Variants in SLC16A8 observed in about 807,000 individuals in gnomAD.
SLC16A8 encodes solute carrier family 16 member 8, also known as monocarboxylate transporter 3.
Under a neutral mutation model 22.4 loss-of-function variants are expected in SLC16A8, and 20 were observed. That is an observed-to-expected ratio of 0.89 (90% confidence interval 0.63 to 1.30). SLC16A8 has a LOEUF of 1.30. Ranked by LOEUF, SLC16A8 falls within the 50% of genes most tolerant of loss-of-function variation. The pLI, the probability that SLC16A8 is intolerant of heterozygous loss-of-function variation, is 0.00. For synonymous variants in SLC16A8, 393 were observed against 358.8 expected (o/e 1.10, Z -1.08); for missense variants, 817 against 740.3 (o/e 1.10, Z -1.20).
rs1601971007 is a variant in SLC16A8, at chr22:38,081,717, A to T, written c.359-38T>A. On this transcript the variant is annotated intron_variant, in intron 4 of 5. Coordinates refer to ENST00000681075, the MANE Select transcript of SLC16A8 (RefSeq NM_013356.3). ...CGGTGCTGTGCCGGGGTCCCCGGAG[A>T]GCCCCTCCCTGGCCCCCACAGGAGG... 3.4e-6 allele frequency: 5 copies of T among 1,468,212 alleles called. No homozygotes were observed. The East Asian group carries it at 7.6e-5, about 22-fold the overall frequency. The allele number at this position is 1,468,212 out of a possible 1,614,324, so 90.9% of individuals were successfully genotyped here.
intron 3 of SLC16A8, among the ~76,000 whole-genome samples, 199 bp downstream of exon 3, chr22:38,082,461 C>T (rs549238756): frequency 1.3e-5 from 2 of 152,356 alleles, no homozygotes; most frequent in South Asian, 4.1e-4. Flanking sequence ...GCAGGGCAGC[C>T]CCCTGGGCCG....
At position 38,081,097 on chromosome 22, in the gene SLC16A8, C is replaced by G; in HGVS notation, c.941G>C (p.Arg314Pro). The change falls in exon 5 of 6, where the codon CGT becomes CCT. Residue 314 changes from arginine to proline, a missense_variant. By Grantham distance (103) the Arg-to-Pro change is moderately radical (BLOSUM62 -2). Transcript: ENST00000681075. ...PACGALAGLA[R>P]LRPHVPYLFS... The stretch of plus-strand genomic sequence containing the variant: ...CAGATACGGGACGTGCGGCCGCAGA[C>G]GCGCCAGGCCCGCCAGGGCGCCGCA... 1.3e-6 allele frequency: 2 copies of G among 1,553,926 alleles called. No homozygotes were observed. Among genetic ancestry groups the G allele is most frequent in the Non-Finnish European group, 1.7e-6 (2 of 1,152,488 alleles).
At position 38,082,990 on chromosome 22, in the gene SLC16A8, AG is replaced by A. The variant is rs991675212; in HGVS notation, c.-9+51del. ...ACTGAGGCACAGGGCTACCCACGTG[AG>A]GGTGGCTCAGGTCTGGGAACCAAAA... is the stretch of plus-strand genomic sequence containing the variant. On this transcript the variant is annotated intron_variant, in intron 2 of 5. Transcript: ENST00000681075. The A allele has an allele frequency of 4.3e-6, 3 of 699,236 alleles. No homozygotes were observed. In the South Asian group the frequency reaches 5.7e-5, roughly 13 times the overall value. 43.3% of individuals were successfully genotyped at this position (699,236 alleles called of 1,614,324 possible). A position where few individuals can be genotyped will look rare whatever the true frequency, so the allele number is the denominator to read the frequency against.
chr22:38,081,106 C>A lies in SLC16A8; in HGVS notation c.932G>T (p.Gly311Val). The change falls in exon 5 of 6, where the codon GGC becomes GTC. Residue 311 changes from glycine to valine, a missense_variant. Coordinates refer to ENST00000681075, the MANE Select transcript of SLC16A8 (RefSeq NM_013356.3). ...VARPACGALAGLARLRPHVPY... is the reference protein window; with the variant it reads ...VARPACGALAVLARLRPHVPY... ...GACGTGCGGCCGCAGACGCGCCAGG[C>A]CCGCCAGGGCGCCGCACGCCGGGCG... 4 of 1,549,414 alleles carry A rather than the reference C, an allele frequency of 2.6e-6. No homozygotes were observed. Among genetic ancestry groups the A allele is most frequent in the Non-Finnish European group, 3.5e-6 (4 of 1,149,398 alleles).
intron 2 of SLC16A8, 50 bp from the exon 3 acceptor site, chr22:38,082,931 G>T: frequency 8.8e-7 from 1 of 1,131,830 alleles, no homozygotes; most frequent in Non-Finnish European, 1.2e-6. Context: ...CAGCAGCCTA[G>T]AGAAGGAGGG....
chr22:38,082,927 C>T, intron 2 of SLC16A8, 46 bp from the exon 3 acceptor site: 7 of 1,171,018 alleles, frequency 6.0e-6, no homozygotes, highest in Non-Finnish European at 8.3e-6. Context: ...GGGCCAGCAG[C>T]CTAGAGAAGG....
intron 4 of SLC16A8, 66 bp downstream of exon 4, chr22:38,081,822 AG>A: frequency 6.6e-7 from 1 of 1,523,614 alleles, no homozygotes; most frequent in East Asian, 2.4e-5. Context: ...AGGGAAACCG[AG>A]GACAGATCTT....
intron 5 of SLC16A8, among the ~76,000 whole-genome samples, chr22:38,080,020 G>A (rs1486059487): frequency 2.6e-5 from 4 of 152,184 alleles, no homozygotes; most frequent in South Asian, 2.1e-4. Flanking sequence ...TGCAGCCTGC[G>A]GCCCCCGCAA....
Position 38,081,246 on chromosome 22 carries a change from C to T in SLC16A8, c.792G>A (p.Ala264=). ...AVYAVTKFLM[A]LGLFVPAILL... ...GGATGGCGGGGACGAAGAGCCCGAG[C>T]GCCATCAGGAACTTGGTGACGGCGT... The change falls in exon 5 of 6, where the codon GCG becomes GCA. Residue 264 remains alanine, a synonymous_variant. Transcript: ENST00000681075. The T allele has an allele frequency of 6.3e-7, 1 of 1,585,268 alleles. No homozygotes were observed. Among genetic ancestry groups the T allele is most frequent in the South Asian group, 1.1e-5 (1 of 87,136 alleles).
At position 38,081,891 on chromosome 22, in the gene SLC16A8, G is replaced by A; in HGVS notation, c.356C>T (p.Thr119Ile). The A allele has an allele frequency of 6.3e-7, 1 of 1,593,914 alleles. No individual in the cohort carries two copies. The highest frequency in any genetic ancestry group is 8.5e-7 in the Non-Finnish European group (1 of 1,170,862). ...AGAGGAGACCAGGGGGCCCTCACCT[G>A]TGAGCACCCCAGCGGTCAGGTAGAG... is the stretch of plus-strand genomic sequence containing the variant. Reference protein sequence around the residue: ...LELYLTAGVLTGLGLALNFQP... With the variant: ...LELYLTAGVLIGLGLALNFQP... The change falls in exon 4 of 6, where the codon ACA (threonine) becomes ATA (isoleucine). Residue 119 changes from threonine to isoleucine, a missense_variant and splice_region_variant. Transcript: ENST00000681075.
rs749599605 is a variant in SLC16A8, at chr22:38,078,541, A to C, written c.1362T>G (p.Thr454=). The C allele has an allele frequency of 8.1e-6, 13 of 1,614,048 alleles. No individual in the cohort carries two copies. Among genetic ancestry groups the C allele is most frequent in the Admixed American group, 3.3e-5 (2 of 60,010 alleles). Residue 454 remains threonine, a synonymous_variant, in exon 6 of 6, where the codon ACT becomes ACG. Coordinates refer to ENST00000681075, the MANE Select transcript of SLC16A8 (RefSeq NM_013356.3). ...AGTCCCCTTCAGCCTCAGCGTCCTC[A>C]GTGTCACTGGCTCCGCCCTCAGTGC... ...GPGTEGGASD[T]EDAEAEGDSE... is the part of the protein sequence containing the mutation.
At chr22:38,078,807 G>C (rs2085880986) in intron 5 of SLC16A8, 103 bp from the exon 6 acceptor site, 3 of 952,762 alleles carry the variant, frequency 3.1e-6, no homozygotes, top group Admixed American at 4.9e-5. Context: ...ACTTGGTGAG[G>C]CTCCTGGGTG....
intron 1 of SLC16A8, 39 bp downstream of exon 1, chr22:38,083,949 C>CAGGA: frequency 6.6e-6 from 1 of 152,360 alleles, no homozygotes; most frequent in South Asian, 2.1e-4. Flanking sequence ...AAGGTGGAGA[C>CAGGA]AGGAGGGTGA....
In SLC16A8 at chr22:38,081,363, C is replaced by T. The variant is rs1387712473; in HGVS notation, c.675G>A (p.Ala225=). 2 of 1,437,536 alleles carry T rather than the reference C, an allele frequency of 1.4e-6. No individual in the cohort carries two copies. The highest frequency in any genetic ancestry group is 1.5e-5 in the South Asian group (1 of 68,286). 89.0% of individuals were successfully genotyped at this position (1,437,536 alleles called of 1,614,324 possible). Residue 225 remains alanine (A), a synonymous_variant, in exon 5 of 6, where the codon GCG becomes GCA. Coordinates refer to ENST00000681075, the MANE Select transcript of SLC16A8 (RefSeq NM_013356.3). ...GGGATGCCTCGCGCAGCTGCAGCCC[C>T]GCACCGTCAGCCTCCGCCTCGCCCG... ...DAPGEAEADG[A]GLQLREASPR...
At position 38,080,991 on chromosome 22, in the gene SLC16A8, G is replaced by A; in HGVS notation, c.1047C>T (p.Phe349=). 6.3e-7 allele frequency: 1 copy of A among 1,598,760 alleles called. No homozygotes were observed. Among genetic ancestry groups the A allele is most frequent in the Non-Finnish European group, 8.5e-7 (1 of 1,177,930 alleles). Residue 349 remains phenylalanine (F), a synonymous_variant, in exon 5 of 6, where the codon TTC becomes TTT. Transcript: ENST00000681075. ...RARSYGALVA[F]CVAFGLSYGM... ...CGTAGGAGAGGCCGAAGGCGACGCA[G>A]AAGGCGACGAGGGCGCCGTAGGAGC...
intron 3 of SLC16A8, among the ~76,000 whole-genome samples, chr22:38,082,339 C>T (rs1041859072): frequency 2.0e-5 from 3 of 152,266 alleles, no homozygotes; most frequent in Admixed American, 2.0e-4. Context: ...GGAACTCCAG[C>T]AAGCCCCCAC....
Position 38,082,043 on chromosome 22 carries a change from G to A in SLC16A8, c.215-11C>T, listed in dbSNP as rs1183628314. The A allele has an allele frequency of 6.4e-7, 1 of 1,571,448 alleles. No homozygotes were observed. The highest frequency in any genetic ancestry group is 8.6e-7 in the Non-Finnish European group (1 of 1,158,570). On this transcript the variant is annotated splice_polypyrimidine_tract_variant and intron_variant, in intron 3 of 5. Coordinates refer to ENST00000681075, the MANE Select transcript of SLC16A8 (RefSeq NM_013356.3). Reference sequence around the variant, plus strand: ...TGCTGGACACGGGGCCTGTGGGCAGGGCAGGGTCACCACCCGGGTCCCGGG... The same window carrying A: ...TGCTGGACACGGGGCCTGTGGGCAGAGCAGGGTCACCACCCGGGTCCCGGG...
chr22:38,081,091 C>T lies in SLC16A8; in HGVS notation c.947G>A (p.Arg316Gln), dbSNP rs773042604. Residue 316 changes from arginine to glutamine, a missense_variant, in exon 5 of 6, where the codon CGG becomes CAG. Physicochemically the swap from Arg to Gln is conservative, Grantham distance 43. Coordinates refer to ENST00000681075, the MANE Select transcript of SLC16A8 (RefSeq NM_013356.3). ...CGALAGLARLRPHVPYLFSLA... is the reference protein window; with the variant it reads ...CGALAGLARLQPHVPYLFSLA... The stretch of plus-strand genomic sequence containing the variant: ...GCTGAACAGATACGGGACGTGCGGC[C>T]GCAGACGCGCCAGGCCCGCCAGGGC... 5 of 1,559,584 alleles carry T rather than the reference C, an allele frequency of 3.2e-6. No homozygotes were observed. The highest frequency in any genetic ancestry group is 2.7e-5 in the African/African-American group (2 of 73,876).
At position 38,082,947 on chromosome 22, in the gene SLC16A8, G is replaced by T. The variant is rs899442717; in HGVS notation, c.-8-66C>A. The T allele has an allele frequency of 3.4e-5, 36 of 1,048,760 alleles. No homozygotes were observed. The South Asian group carries it at 4.8e-4, about 14-fold the overall frequency. 65.0% of individuals were successfully genotyped at this position (1,048,760 alleles called of 1,614,324 possible). The stretch of plus-strand genomic sequence containing the variant: ...AGCAGCCTAGAGAAGGAGGGGGATG[G>T]AGACGAAGCATGGGGAAACTGAGGC... On this transcript the variant is annotated intron_variant, in intron 2 of 5. Coordinates refer to ENST00000681075, the MANE Select transcript of SLC16A8 (RefSeq NM_013356.3).
Sources: allele counts gnomAD v4.1 joint callset (sites outside exome capture counted in the v4.1 genomes callset), GRCh38; gene constraint gnomAD v4.1.1; transcripts MANE v1.5; gene names NCBI Gene and HGNC (gene_info 2026-07-23, HGNC 2026-07-21).